The following ZNF84 variants were observed in gnomAD, a reference collection of about 807,000 sequenced individuals.
ZNF84 encodes the protein zinc finger protein 84.
ZNF84 carries 12 observed loss-of-function variants against 14.8 expected under a neutral mutation model. That is an observed-to-expected ratio of 0.81 (90% CI 0.52 to 1.31). The LOEUF (loss-of-function observed/expected upper bound fraction) is 1.31. Among genes scored for constraint, ZNF84 ranks in the 50% most tolerant of loss-of-function variants. ZNF84 has a pLI of 0.00. For missense variants in ZNF84, 859 were observed against 878.6 expected, an observed-to-expected ratio of 0.98 and a Z score of 0.28; for synonymous variants, 347 against 291.1, an observed-to-expected ratio of 1.19 and a Z score of -1.96.
intron 4 of ZNF84, among the ~76,000 whole-genome samples, chr12:133,050,296 A>G (rs1249920767): frequency 1.3e-5 from 2 of 152,156 alleles, no homozygotes; most frequent in Non-Finnish European, 2.9e-5. Flanking sequence ...CTGAGGTACC[A>G]GGAAGCCCAG....
rs1199155292 is a variant in ZNF84 at position 133,059,914 on chromosome 12, G to T, written c.*982G>T. ...CTATTCAGTAACTGAAGCCAACATTGTGTAAGTCTTCTGCATCCTCAGAGT... is the reference window on the plus strand; with the variant it reads ...CTATTCAGTAACTGAAGCCAACATTTTGTAAGTCTTCTGCATCCTCAGAGT... On this transcript the variant is annotated 3_prime_UTR_variant, in exon 5 of 5. Coordinates refer to ENST00000539354, the MANE Select transcript of ZNF84 (RefSeq NM_001289971.2). The T allele has an allele frequency of 1.3e-5, 2 of 152,252 alleles. No individual in the cohort carries two copies. The allele number at this position is 152,252 out of a possible 1,614,324, so 9.4% of individuals were successfully genotyped here.
chr12:133,057,091 T>C lies in ZNF84; in HGVS notation c.376T>C (p.Ser126Pro). The change falls in exon 5 of 5, where the codon TCA (serine) becomes CCA (proline). Residue 126 changes from serine to proline, a missense_variant. Transcript: ENST00000539354. ...LNMNFVPLRK[S>P]NSEGDLDGLI... ...CATGAACTTTGTTCCTTTAAGGAAATCAAACAGTGAAGGTGACTTAGATGG... is the reference window on the plus strand; with the variant it reads ...CATGAACTTTGTTCCTTTAAGGAAACCAAACAGTGAAGGTGACTTAGATGG... 5.0e-6 allele frequency: 8 copies of C among 1,613,552 alleles called. No homozygotes were observed. Among genetic ancestry groups the C allele is most frequent in the Non-Finnish European group, 6.8e-6 (8 of 1,179,886 alleles).
chr12:133,059,088 A>T lies in ZNF84; in HGVS notation c.*156A>T. 1 of 754,128 alleles carries T rather than the reference A, an allele frequency of 1.3e-6. No homozygotes were observed. Among genetic ancestry groups the T allele is most frequent in the Non-Finnish European group, 2.1e-6 (1 of 476,306 alleles). The allele number at this position is 754,128 out of a possible 1,614,324, so 46.7% of individuals were successfully genotyped here. ...GTGTATGGAAAGCCGATCATAATTCATAGAGTAGAGTGAACCTATGACTGC... is the reference window on the plus strand; with the variant it reads ...GTGTATGGAAAGCCGATCATAATTCTTAGAGTAGAGTGAACCTATGACTGC... On this transcript the variant is annotated 3_prime_UTR_variant, in exon 5 of 5. Transcript: ENST00000539354.
At chr12:133,039,463 C>T (rs1221440108) in intron 1 of ZNF84, among the ~76,000 whole-genome samples, 5 of 152,196 alleles carry the variant, frequency 3.3e-5, no homozygotes, top group Non-Finnish European at 7.3e-5. Flanking sequence ...AGAGAATTAA[C>T]ATTTGAATTT....
At chr12:133,039,364 T>C (rs1953846103) in intron 1 of ZNF84, among the ~76,000 whole-genome samples, 1 of 152,226 alleles carries the variant, frequency 6.6e-6, no homozygotes, top group African/African-American at 2.4e-5. Flanking sequence ...AGGAGCTGAC[T>C]CCAGGATTTA....
Position 133,059,582 on chromosome 12 carries a change from A to G in ZNF84, c.*650A>G, listed in dbSNP as rs1954222882. On this transcript the variant is annotated 3_prime_UTR_variant, in exon 5 of 5. Coordinates refer to ENST00000539354, the MANE Select transcript of ZNF84 (RefSeq NM_001289971.2). Reference sequence around the variant, plus strand: ...TGAAGTTTTAAAAATACGTGAATAAATTGGTTATTGAAACATCTAAGACAT... The same window carrying G: ...TGAAGTTTTAAAAATACGTGAATAAGTTGGTTATTGAAACATCTAAGACAT... 1 of 152,260 alleles carries G rather than the reference A, an allele frequency of 6.6e-6. No homozygotes were observed. Among genetic ancestry groups the G allele is most frequent in the Admixed American group, 6.5e-5 (1 of 15,290 alleles). 9.4% of individuals were successfully genotyped at this position (152,260 alleles called of 1,614,324 possible). A position where few individuals can be genotyped will look rare whatever the true frequency, so the allele number is the denominator to read the frequency against.
At chr12:133,043,869 T>A (rs1953930782) in intron 2 of ZNF84, among the ~76,000 whole-genome samples, 1 of 151,810 alleles carries the variant, frequency 6.6e-6, no homozygotes, top group East Asian at 1.9e-4. Flanking sequence ...TTCTCCTGCC[T>A]CAGCCTCCTA....
rs1346188600 is a variant in ZNF84, at chr12:133,063,162, AAG to A, written c.*4233_*4234del. On this transcript the variant is annotated 3_prime_UTR_variant, in exon 5 of 5. Coordinates refer to ENST00000539354, the MANE Select transcript of ZNF84 (RefSeq NM_001289971.2). ...AGCCATGATGAAAGCAAAATCAAGA[AAG>A]AGTCCCGATTGTGTTCCAGTACCTG... The A allele has an allele frequency of 2.8e-6, 2 of 702,372 alleles. No homozygotes were observed. The highest frequency in any genetic ancestry group is 5.2e-6 in the Non-Finnish European group (2 of 384,832). 43.5% of individuals were successfully genotyped at this position (702,372 alleles called of 1,614,324 possible). A position where few individuals can be genotyped will look rare whatever the true frequency, so the allele number is the denominator to read the frequency against.
Position 133,047,952 on chromosome 12 carries a change from C to G in ZNF84, c.16-3C>G. On this transcript the variant is annotated splice_region_variant and splice_polypyrimidine_tract_variant and intron_variant, in intron 2 of 4. Transcript: ENST00000539354. The stretch of plus-strand genomic sequence containing the variant: ...CAGATTTACCAGGATTGTGCTCTTA[C>G]AGGAGTCATTCTCATTTGACGATTT... 8 of 1,613,678 alleles carry G rather than the reference C, an allele frequency of 5.0e-6. No individual in the cohort carries two copies. Among genetic ancestry groups the G allele is most frequent in the Non-Finnish European group, 6.8e-6 (8 of 1,179,720 alleles).
At chr12:133,056,323 G>A (rs953161250) in intron 4 of ZNF84, among the ~76,000 whole-genome samples, 3 of 151,646 alleles carry the variant, frequency 2.0e-5, no homozygotes, top group South Asian at 2.1e-4. Flanking sequence ...GCGTGATCTC[G>A]GCTCACTGCA....
Position 133,046,882 on chromosome 12 carries a change from A to ATATTATATATATTTATATAT in ZNF84, c.16-1070_16-1069insTATATATATTTATATATTAT, listed in dbSNP as rs1953988795. ...TATGATATTTATATTATATATATTT[A>ATATTATATATATTTATATAT]TATATTATTTTTAATATAATATTTA... On this transcript the variant is annotated intron_variant, in intron 2 of 4. Coordinates refer to ENST00000539354, the MANE Select transcript of ZNF84 (RefSeq NM_001289971.2). Among the ~76,000 whole-genome samples, 22 of 140,934 alleles carry ATATTATATATATTTATATAT rather than the reference A, an allele frequency of 1.6e-4. No homozygotes were observed. The East Asian group carries it at 3.5e-3, about 23-fold the overall frequency. 92.5% of individuals were successfully genotyped at this position (140,934 alleles called of 152,430 possible). A position where few individuals can be genotyped will look rare whatever the true frequency, so the allele number is the denominator to read the frequency against.
chr12:133,045,472 AAAAC>A (rs377390358), intron 2 of ZNF84, among the ~76,000 whole-genome samples: 15 of 151,508 alleles, frequency 9.9e-5, no homozygotes, highest in African/African-American at 2.9e-4. Flanking sequence ...CTGTGTCTCA[AAAAC>A]AAACAAATAG....
intron 4 of ZNF84, among the ~76,000 whole-genome samples, chr12:133,051,731 G>T (rs1385452148): frequency 6.6e-6 from 1 of 152,132 alleles, no homozygotes; most frequent in African/African-American, 2.4e-5. Context: ...TGCCTAACAT[G>T]TGGTGATCAT....
chr12:133,049,872 C>G (rs1225230507), intron 4 of ZNF84, among the ~76,000 whole-genome samples: 2 of 152,124 alleles, frequency 1.3e-5, no homozygotes, highest in Non-Finnish European at 2.9e-5. Context: ...TCAACTTCCG[C>G]TTAAAACTAG....
At chr12:133,055,822 G>A (rs1337955255) in intron 4 of ZNF84, among the ~76,000 whole-genome samples, 8 of 152,232 alleles carry the variant, frequency 5.3e-5, no homozygotes, top group East Asian at 1.9e-4. Flanking sequence ...AAATTGGCCC[G>A]GCGCAGTGGC....
At position 133,047,965 on chromosome 12, in the gene ZNF84, C is replaced by G; in HGVS notation, c.26C>G (p.Ser9Ter). Residue 9 changes from serine to a stop codon, truncating the protein, a stop_gained, in exon 3 of 5, where the codon TCA becomes TGA. Coordinates refer to ENST00000539354, the MANE Select transcript of ZNF84 (RefSeq NM_001289971.2). LOFTEE classifies it high-confidence loss of function. The stretch of plus-strand genomic sequence containing the variant: ...ATTGTGCTCTTACAGGAGTCATTCT[C>G]ATTTGACGATTTATCTGTGGACTTC... Reference protein sequence around the residue: MTMLQESFSFDDLSVDFTQ... With the variant: MTMLQESF The G allele has an allele frequency of 6.2e-7, 1 of 1,613,888 alleles. No individual in the cohort carries two copies. The highest frequency in any genetic ancestry group is 8.5e-7 in the Non-Finnish European group (1 of 1,179,888).
intron 4 of ZNF84, among the ~76,000 whole-genome samples, chr12:133,054,522 A>G (rs1954118977): frequency 6.6e-6 from 1 of 152,102 alleles, no homozygotes. Context: ...GTCTTGGGAT[A>G]GTTTTAGTGA....
intron 1 of ZNF84, chr12:133,038,828 G>T (rs972897911): frequency 2.6e-5 from 4 of 151,706 alleles, no homozygotes; most frequent in African/African-American, 9.7e-5. Flanking sequence ...ATTATGAGTC[G>T]GATTTTATTT....
chr12:133,053,757 A>G (rs1954108192), intron 4 of ZNF84, among the ~76,000 whole-genome samples: 1 of 152,048 alleles, frequency 6.6e-6, no homozygotes, highest in African/African-American at 2.4e-5. Flanking sequence ...AACAAAATTA[A>G]TATGTTTATA....
Sources: allele counts gnomAD v4.1 joint callset (sites outside exome capture counted in the v4.1 genomes callset), GRCh38; gene constraint gnomAD v4.1.1; transcripts MANE v1.5; gene names NCBI Gene and HGNC (gene_info 2026-07-23, HGNC 2026-07-21).